MYO1H: variants seen among roughly 807,000 people sequenced by gnomAD.
MYO1H encodes unconventional myosin-Ih.
A neutral mutation model predicts 149.3 loss-of-function variants in MYO1H; 118 were observed. That is an observed-to-expected ratio of 0.79 (90% CI 0.68 to 0.92). The LOEUF (loss-of-function observed/expected upper bound fraction) is 0.92. Among genes scored for constraint, MYO1H ranks in the 40% least tolerant of loss-of-function variants. The pLI is 0.00. For synonymous variants in MYO1H, 447 were observed against 465.2 expected (o/e 0.96, Z 0.50); for missense variants, 1,212 against 1,280.7 (o/e 0.95, Z 0.82).
intron 26 of MYO1H, 90 bp downstream of exon 26, chr12:109,441,798 G>C (rs1466867518): frequency 3.3e-5 from 29 of 891,716 alleles, no homozygotes; most frequent in Non-Finnish European, 4.6e-5. Context: ...CATAATCTCA[G>C]CACTTTGGGA....
rs181001002 is a variant in MYO1H at position 109,447,260 on chromosome 12, C to A, written c.*78C>A. On this transcript the variant is annotated 3_prime_UTR_variant, in exon 32 of 32. Transcript: ENST00000310903. The stretch of plus-strand genomic sequence containing the variant: ...ACTACAGGGGAAGTGGGGATTGGAT[C>A]CAGTTAGCTACCTCTTCAAGGTACC... 4.8e-3 allele frequency: 6,071 copies of A among 1,273,138 alleles called. 57 individuals are homozygous for A. The highest frequency in any genetic ancestry group is 3.8e-3 in the Non-Finnish European group (3,363 of 890,292). The allele number at this position is 1,273,138 out of a possible 1,614,324, so 78.9% of individuals were successfully genotyped here.
At position 109,443,045 on chromosome 12, in the gene MYO1H, T is replaced by TATACAC. The variant is rs200928836; in HGVS notation, c.2689-469_2689-468insATACAC. On this transcript the variant is annotated intron_variant, in intron 27 of 31. Coordinates refer to ENST00000310903, the Ensembl canonical transcript of MYO1H. ...ATATATATATGTGTGTGTGTGTGTG[T>TATACAC]GTATATATGTGTACGTATGTGTGTA... Among the ~76,000 whole-genome samples the TATACAC allele has an allele frequency of 5.3e-5, 5 of 93,518 alleles. 1 individual carries two copies. Among genetic ancestry groups the TATACAC allele is most frequent in the Admixed American group, 9.8e-5 (1 of 10,186 alleles). 61.4% of individuals were successfully genotyped at this position (93,518 alleles called of 152,430 possible).
intron 1 of MYO1H, among the ~76,000 whole-genome samples, chr12:109,348,258 AAATGGTCTCTGTTAGCACTGCCTAATGC>A (rs1868382146): frequency 6.6e-6 from 1 of 152,224 alleles, no homozygotes; most frequent in African/African-American, 2.4e-5. Flanking sequence ...ATAAAGACAG[AAATGGTCTCTGTTAGCACTGCCTAATGC>A]AAGAGCTCTT....
chr12:109,318,982 T>TTTTTTTTTTG, the MYO1H span, among the ~76,000 whole-genome samples: 3 of 144,912 alleles, frequency 2.1e-5, no homozygotes, highest in African/African-American at 7.8e-5. Context: ...GTTTTTTTTT[T>TTTTTTTTTTG]TTTTTTTTTT....
chr12:109,395,397 T>C (rs1273511006), intron 3 of MYO1H, among the ~76,000 whole-genome samples: 4 of 152,168 alleles, frequency 2.6e-5, no homozygotes, highest in African/African-American at 4.8e-5. Flanking sequence ...CTTATTCTTA[T>C]AAAACATGTT....
intron 27 of MYO1H, among the ~76,000 whole-genome samples, chr12:109,443,288 A>ATATGTGTGTGTATATGTGTACG: frequency 5.7e-5 from 3 of 53,044 alleles, no homozygotes; most frequent in African/African-American, 1.8e-4. Context: ...ATGTGTACGT[A>ATATGTGTGTGTATATGTGTACG]TATATGTGTG....
At chr12:109,378,331 A>T (rs535431610) in intron 1 of MYO1H, among the ~76,000 whole-genome samples, 4,578 of 146,392 alleles carry the variant, frequency 0.031, 232 homozygotes, top group African/African-American at 0.11. Context: ...TTATTTATTT[A>T]TTTTTTTGAG....
chr12:109,331,572 AAAG>A, the MYO1H span, among the ~76,000 whole-genome samples: 2 of 152,228 alleles, frequency 1.3e-5, no homozygotes, highest in Non-Finnish European at 2.9e-5. Flanking sequence ...TCTTGTAAGA[AAAG>A]AAGACCACCC....
upstream of MYO1H, among the ~76,000 whole-genome samples, chr12:109,346,330 G>T (rs540073057): frequency 1.3e-5 from 2 of 152,272 alleles, no homozygotes; most frequent in African/African-American, 2.4e-5. Flanking sequence ...ATGGATTTTT[G>T]AAGGTCCTGG....
At chr12:109,390,302 C>CG (rs1869590513) in intron 2 of MYO1H, among the ~76,000 whole-genome samples, 2 of 150,108 alleles carry the variant, frequency 1.3e-5, no homozygotes, top group South Asian at 4.2e-4. Context: ...CAGCCTCCCA[C>CG]GTAGCTGGGA....
At chr12:109,366,555 T>C (rs774912247) in intron 1 of MYO1H, among the ~76,000 whole-genome samples, 2 of 152,328 alleles carry the variant, frequency 1.3e-5, no homozygotes, top group East Asian at 3.9e-4. Flanking sequence ...CTCAGGTGCC[T>C]CTTTCTGAAC....
intron 1 of MYO1H, among the ~76,000 whole-genome samples, chr12:109,368,084 C>T (rs1280786265): frequency 6.6e-6 from 1 of 152,174 alleles, no homozygotes; most frequent in African/African-American, 2.4e-5. Flanking sequence ...CCTAGCAATT[C>T]CTCCTCTGCA....
chr12:109,447,085 T>G, intron 31 of MYO1H, 74 bp from the exon 32 acceptor site: 38 of 1,440,394 alleles, frequency 2.6e-5, no homozygotes, highest in Non-Finnish European at 3.2e-5. Context: ...TGGTGACAGT[T>G]GAGGTGATAA....
At chr12:109,388,501 C>T (rs1869482359) in intron 1 of MYO1H, among the ~76,000 whole-genome samples, 182 bp from the exon 2 acceptor site, 1 of 152,134 alleles carries the variant, frequency 6.6e-6, no homozygotes, top group African/African-American at 2.4e-5. Context: ...GCTGCTATTC[C>T]TATTTTTTAT....
rs11066495 is a variant in MYO1H, at chr12:109,400,392, G to C, written c.571-701G>C. ...TCATCCTTTTGAGAAATTCTGGTGGGATATAGTGGTTTTTCACTGTGATTT... is the reference window on the plus strand; with the variant it reads ...TCATCCTTTTGAGAAATTCTGGTGGCATATAGTGGTTTTTCACTGTGATTT... On this transcript the variant is annotated intron_variant, in intron 5 of 31. Coordinates refer to ENST00000310903, the Ensembl canonical transcript of MYO1H. Among the ~76,000 whole-genome samples the C allele has an allele frequency of 1.6e-3, 250 of 152,286 alleles. 7 individuals are homozygous for C. In the East Asian group the frequency reaches 0.045, roughly 27 times the overall value.
Position 109,436,510 on chromosome 12 carries a change from C to G in MYO1H, c.2163C>G (p.Tyr721Ter), listed in dbSNP as rs373787408. ...AAGTTGCAAGAATCCAAGCCACTTA[C>G]AAACGCTGCCTAGGAAGGAGAGAAT... Residue 721 changes from tyrosine (Y) to a stop codon, truncating the protein, a stop_gained, in exon 22 of 32, where the codon TAC (tyrosine) becomes TAG (stop). Transcript: ENST00000310903. LOFTEE classifies it high-confidence loss of function. The G allele has an allele frequency of 1.9e-6, 3 of 1,611,180 alleles. No individual in the cohort carries two copies. The highest frequency in any genetic ancestry group is 2.5e-6 in the Non-Finnish European group (3 of 1,178,686).
chr12:109,442,479 C>T (rs904580637), intron 27 of MYO1H, among the ~76,000 whole-genome samples: 4 of 152,214 alleles, frequency 2.6e-5, no homozygotes, highest in Non-Finnish European at 5.9e-5. Flanking sequence ...ATGACACCTC[C>T]GTCACCCTAG....
intron 1 of MYO1H, among the ~76,000 whole-genome samples, chr12:109,370,519 G>T (rs1334322752): frequency 6.6e-6 from 1 of 152,196 alleles, no homozygotes. Flanking sequence ...CTATGGAGTT[G>T]TTGTGGGTAA....
chr12:109,318,065 G>A, the MYO1H span, among the ~76,000 whole-genome samples: 3 of 152,066 alleles, frequency 2.0e-5, no homozygotes, highest in Non-Finnish European at 4.4e-5. Flanking sequence ...TTAAAGTATC[G>A]AACAAAACAT....
Sources: gnomAD v4.1 joint callset for allele counts (sites outside exome capture counted in the v4.1 genomes callset) on GRCh38, gnomAD v4.1.1 for gene constraint, MANE v1.5 for transcripts, NCBI Gene and HGNC (gene_info 2026-07-23, HGNC 2026-07-21) for gene names.